Variants in PARD3B observed in about 807,000 individuals in gnomAD.
PARD3B encodes partitioning defective 3 homolog B.
PARD3B carries 103 observed loss-of-function variants against 130.2 expected under a neutral mutation model. The ratio of observed to expected loss-of-function variants is 0.79; its 90% CI spans 0.67 to 0.93. PARD3B has a LOEUF of 0.93. Among genes scored for constraint, PARD3B ranks in the 40% least tolerant of loss-of-function variants. PARD3B has a pLI of 0.00. For missense variants in PARD3B, 1,609 were observed against 1,499.2 expected (o/e 1.07, Z -1.21); for synonymous variants, 583 against 553.2 (o/e 1.05, Z -0.76).
chr2:204,716,616 G>T (rs898033676), intron 2 of PARD3B, among the ~76,000 whole-genome samples: 5 of 121,206 alleles, frequency 4.1e-5, no homozygotes, highest in Non-Finnish European at 8.7e-5. Flanking sequence ...GGCAAAAACA[G>T]CAACTGCTTT....
At chr2:205,049,284 T>G (rs570589909) in intron 4 of PARD3B, among the ~76,000 whole-genome samples, 21 of 152,068 alleles carry the variant, frequency 1.4e-4, no homozygotes, top group Admixed American at 2.6e-4. Context: ...AAACTTAAAA[T>G]CATGGTGGAA....
intron 21 of PARD3B, among the ~76,000 whole-genome samples, chr2:205,543,237 A>C (rs2052239424): frequency 6.6e-6 from 1 of 152,222 alleles, no homozygotes; most frequent in Non-Finnish European, 1.5e-5. Flanking sequence ...ATGTATGAAT[A>C]ACTGAAAAAA....
chr2:204,852,932 C>G (rs1330505717), intron 2 of PARD3B, among the ~76,000 whole-genome samples: 1 of 151,836 alleles, frequency 6.6e-6, no homozygotes, highest in African/African-American at 2.4e-5. Flanking sequence ...TCTTTCAGGT[C>G]CTAAGTTATT....
At chr2:205,174,085 A>G (rs1343441296) in intron 12 of PARD3B, among the ~76,000 whole-genome samples, 1 of 152,254 alleles carries the variant, frequency 6.6e-6, no homozygotes, top group Non-Finnish European at 1.5e-5. Context: ...GAGTTAGTAG[A>G]TGACAGCAGA....
chr2:204,584,381 A>G (rs2032726874), intron 1 of PARD3B, among the ~76,000 whole-genome samples: 1 of 152,226 alleles, frequency 6.6e-6, no homozygotes, highest in African/African-American at 2.4e-5. Context: ...AGTAAAGAGT[A>G]TAATTGAAGA....
chr2:205,171,168 G>A (rs1253349743), intron 11 of PARD3B, among the ~76,000 whole-genome samples: 1 of 152,196 alleles, frequency 6.6e-6, no homozygotes, highest in East Asian at 1.9e-4. Context: ...TTTATTAGCA[G>A]CAGCAGCAGC....
rs537576109 is a variant in PARD3B, at chr2:205,044,594, T to A, written c.395-2987T>A. Among the ~76,000 whole-genome samples the A allele has an allele frequency of 2.2e-4, 33 of 152,192 alleles. No homozygotes were observed. In the East Asian group the frequency reaches 5.8e-3, roughly 27 times the overall value. On this transcript the variant is annotated intron_variant, in intron 3 of 22. Transcript: ENST00000406610. ...TTTCTTCATGTGTTTTTTGGCTGCA[T>A]AAATGTCTTCTTTTGAGAAGTGTCT...
In PARD3B at chr2:205,325,787, G is replaced by T. The variant is rs1169643791; in HGVS notation, c.2630+24086G>T. Among the ~76,000 whole-genome samples, 1 of 152,042 alleles carries T rather than the reference G, an allele frequency of 6.6e-6. No homozygotes were observed. On this transcript the variant is annotated intron_variant, in intron 18 of 22. Transcript: ENST00000406610. The surrounding 1 kb of genome is among the most constrained non-coding windows in gnomAD (Gnocchi z 4.1). ...TTGGAGGTAACTGGCTTCAGATAAGGTTATTGAATTTCATAGTCCATTATT... is the reference window on the plus strand; with the variant it reads ...TTGGAGGTAACTGGCTTCAGATAAGTTTATTGAATTTCATAGTCCATTATT...
intron 1 of PARD3B, among the ~76,000 whole-genome samples, chr2:204,550,162 A>G (rs2030340675): frequency 1.3e-5 from 2 of 152,048 alleles, no homozygotes; most frequent in Admixed American, 1.3e-4. Flanking sequence ...AGTTCCTGAT[A>G]TAAAATGCTG....
At chr2:205,582,544 G>A (rs1020989874) in intron 22 of PARD3B, among the ~76,000 whole-genome samples, 1 of 150,652 alleles carries the variant, frequency 6.6e-6, no homozygotes, top group Non-Finnish European at 1.5e-5. Context: ...TCTCCATGTT[G>A]ATGACTTTGA....
At chr2:204,586,190 G>A (rs1286460617) in intron 1 of PARD3B, among the ~76,000 whole-genome samples, 2 of 152,076 alleles carry the variant, frequency 1.3e-5, no homozygotes, top group African/African-American at 2.4e-5. Flanking sequence ...CTTTCTAATG[G>A]CATTCTGATT....
chr2:204,789,287 G>A (rs1048199792), intron 2 of PARD3B, among the ~76,000 whole-genome samples: 1 of 152,100 alleles, frequency 6.6e-6, no homozygotes, highest in Non-Finnish European at 1.5e-5. Context: ...CTGGTTTCAG[G>A]TGATTCTCTC....
At chr2:204,745,874 A>G (rs541658318) in intron 2 of PARD3B, among the ~76,000 whole-genome samples, 2 of 151,958 alleles carry the variant, frequency 1.3e-5, no homozygotes, top group South Asian at 4.2e-4. Context: ...CCAAAGCCCC[A>G]TCCTCCCAGT....
In PARD3B at chr2:205,176,559, C is replaced by G. The variant is rs915893284; in HGVS notation, c.1906C>G (p.Pro636Ala). ...CCTGCATCCACTTGGCACTTGCAGTCCACAAGACAAACAGAAAGGTAAGAG... is the reference window on the plus strand; with the variant it reads ...CCTGCATCCACTTGGCACTTGCAGTGCACAAGACAAACAGAAAGGTAAGAG... Reference protein sequence around the residue: ...SILHPLGTCSPQDKQKGLLLP... With the variant: ...SILHPLGTCSAQDKQKGLLLP... Residue 636 changes from proline (P) to alanine (A), a missense_variant, in exon 13 of 23, where the codon CCA (proline) becomes GCA (alanine). Pro to Ala is a conservative substitution (Grantham distance 27). Coordinates refer to ENST00000406610, the MANE Select transcript of PARD3B (RefSeq NM_001302769.2). This position sits in a 1 kb window ranked among gnomAD's most constrained non-coding sequence, Gnocchi z 5.3. The G allele has an allele frequency of 1.9e-6, 3 of 1,609,232 alleles. No individual in the cohort carries two copies. Among genetic ancestry groups the G allele is most frequent in the Non-Finnish European group, 2.5e-6 (3 of 1,178,032 alleles).
intron 2 of PARD3B, among the ~76,000 whole-genome samples, chr2:204,732,614 C>T (rs564925768): frequency 2.6e-4 from 40 of 151,392 alleles, no homozygotes; most frequent in Non-Finnish European, 4.4e-4. Context: ...ATGCCATTCT[C>T]CTGCCTCAGC....
chr2:205,021,242 A>T lies in PARD3B; in HGVS notation c.395-26339A>T, dbSNP rs1696575418. Reference sequence around the variant, plus strand: ...TATAGTTTGGTAGAAATACATCCACACTGTATGAGTCTCAATTTTAAAACT... The same window carrying T: ...TATAGTTTGGTAGAAATACATCCACTCTGTATGAGTCTCAATTTTAAAACT... On this transcript the variant is annotated intron_variant, in intron 3 of 22. Transcript: ENST00000406610. The surrounding 1 kb of genome is among the most constrained non-coding windows in gnomAD (Gnocchi z 4.5). 6.6e-6 allele frequency among the ~76,000 whole-genome samples: 1 copy of T among 152,202 alleles called. No individual in the cohort carries two copies. Among genetic ancestry groups the T allele is most frequent in the Non-Finnish European group, 1.5e-5 (1 of 68,038 alleles).
intron 22 of PARD3B, among the ~76,000 whole-genome samples, chr2:205,599,068 A>C (rs1360120608): frequency 6.6e-6 from 1 of 152,216 alleles, no homozygotes; most frequent in Non-Finnish European, 1.5e-5. Context: ...TAGAAAAACA[A>C]GAACAAAACC....
intron 2 of PARD3B, among the ~76,000 whole-genome samples, chr2:204,750,697 G>A (rs954962203): frequency 2.0e-5 from 3 of 151,994 alleles, no homozygotes; most frequent in Non-Finnish European, 2.9e-5. Context: ...CCTAGTAAAG[G>A]GGGTGGGGCT....
chr2:204,696,447 C>T (rs2037615943), intron 2 of PARD3B, among the ~76,000 whole-genome samples: 1 of 151,990 alleles, frequency 6.6e-6, no homozygotes. Flanking sequence ...TGCTGGTTCT[C>T]CTATTTCCAG....
Sources: gnomAD v4.1 joint callset for allele counts (sites outside exome capture counted in the v4.1 genomes callset) on GRCh38, gnomAD v4.1.1 for gene constraint, Gnocchi (gnomAD v3.1) non-coding constraint, MANE v1.5 for transcripts, NCBI Gene and HGNC (gene_info 2026-07-23, HGNC 2026-07-21) for gene names.